The following WDPCP variants were observed in gnomAD, a reference collection of about 807,000 sequenced individuals.
The protein encoded by WDPCP is WD repeat-containing and planar cell polarity effector protein fritz homolog.
A neutral mutation model predicts 93.1 loss-of-function variants in WDPCP; 71 were observed. The observed-to-expected ratio is 0.76, with a 90% CI of 0.63 to 0.93. The LOEUF is 0.93. Ranked by LOEUF, WDPCP falls within the 40% of genes least tolerant of loss-of-function variation. The pLI is 0.00. For missense variants in WDPCP, 844 were observed against 887.4 expected (o/e 0.95, Z 0.62); for synonymous variants, 315 against 315.0 (o/e 1.00, Z 0.00).
At chr2:63,353,097 G>A (rs1689751411) in intron 12 of WDPCP, among the ~76,000 whole-genome samples, 1 of 152,114 alleles carries the variant, frequency 6.6e-6, no homozygotes, top group African/African-American at 2.4e-5. Context: ...GGGAAGCAGT[G>A]AATGAATGTG....
chr2:63,122,140 C>G, intron 17 of WDPCP, 84 bp from the exon 18 acceptor site: 2 of 1,144,122 alleles, frequency 1.7e-6, no homozygotes, highest in Admixed American at 3.7e-5. Context: ...TTTTTAAGTA[C>G]TGAAAAATAG....
intron 10 of WDPCP, among the ~76,000 whole-genome samples, chr2:63,396,335 T>C (rs1446357050): frequency 3.3e-5 from 5 of 152,320 alleles, no homozygotes; most frequent in African/African-American, 1.2e-4. Flanking sequence ...ATACTGTTTG[T>C]TTTTTAGAAA....
chr2:63,662,722 C>G (rs1170126426), intron 2 of WDPCP, among the ~76,000 whole-genome samples: 1 of 151,974 alleles, frequency 6.6e-6, no homozygotes, highest in Non-Finnish European at 1.5e-5. Context: ...GGGTAGGTGG[C>G]TCCAGGAAAG....
intron 3 of WDPCP, chr2:63,605,227 A>C (rs1165521042): frequency 3.3e-6 from 4 of 1,194,408 alleles, no homozygotes; most frequent in Non-Finnish European, 5.0e-6. Context: ...ATTAATGAAA[A>C]CTTTGCTATC....
chr2:63,469,292 A>T (rs1699549236), intron 6 of WDPCP, among the ~76,000 whole-genome samples: 2 of 152,218 alleles, frequency 1.3e-5, no homozygotes, highest in Non-Finnish European at 2.9e-5. Flanking sequence ...CAGTGTGGAG[A>T]TTCCTCAAAG....
At chr2:63,350,494 C>T (rs1689520422) in intron 12 of WDPCP, among the ~76,000 whole-genome samples, 2 of 150,326 alleles carry the variant, frequency 1.3e-5, no homozygotes, top group Non-Finnish European at 3.0e-5. Flanking sequence ...AAAAAAAATA[C>T]TGTGTGCTTC....
intron 1 of WDPCP, among the ~76,000 whole-genome samples, chr2:63,498,120 G>T (rs1701338486): frequency 6.6e-6 from 1 of 152,070 alleles, no homozygotes; most frequent in Admixed American, 6.5e-5. Context: ...ATCAGAAAAA[G>T]AATTATCCAA....
intron 12 of WDPCP, among the ~76,000 whole-genome samples, chr2:63,338,691 A>G (rs1688632572): frequency 6.8e-6 from 1 of 148,000 alleles, no homozygotes; most frequent in African/African-American, 2.5e-5. Flanking sequence ...TTGTCTATAA[A>G]AGTGTGAATT....
At chr2:63,517,202 A>C (rs1702612268) in intron 1 of WDPCP, among the ~76,000 whole-genome samples, 1 of 152,084 alleles carries the variant, frequency 6.6e-6, no homozygotes, top group Non-Finnish European at 1.5e-5. Context: ...GAGTACCTAT[A>C]ATCCATTTCC....
At chr2:63,575,368 C>CCG (rs773707704) in intron 1 of WDPCP, among the ~76,000 whole-genome samples, 3,538 of 124,946 alleles carry the variant, frequency 0.028, 188 homozygotes, top group African/African-American at 0.045. Context: ...ACAGTATATA[C>CCG]AGTATATACA....
chr2:63,656,193 C>T (rs6751759), intron 2 of WDPCP, among the ~76,000 whole-genome samples: 29,581 of 152,154 alleles, frequency 0.19, 3,077 homozygotes, highest in Middle Eastern at 0.28. Flanking sequence ...TCCCAAGTAG[C>T]ACTTTTGACC....
At chr2:63,354,490 G>A (rs895780589) in intron 12 of WDPCP, among the ~76,000 whole-genome samples, 1 of 152,144 alleles carries the variant, frequency 6.6e-6, no homozygotes, top group Non-Finnish European at 1.5e-5. Context: ...AGCACTAATA[G>A]GGAAAATGGC....
At chr2:63,529,331 G>C (rs528732306) in intron 1 of WDPCP, among the ~76,000 whole-genome samples, 1 of 152,160 alleles carries the variant, frequency 6.6e-6, no homozygotes, top group African/African-American at 2.4e-5. Flanking sequence ...TGCCCATTCA[G>C]TATGATATTG....
At chr2:63,406,500 C>T (rs781079076) in intron 9 of WDPCP, among the ~76,000 whole-genome samples, 11 of 152,138 alleles carry the variant, frequency 7.2e-5, no homozygotes, top group South Asian at 2.1e-4. Context: ...TAATACATTT[C>T]CCTCCTATCA....
intron 9 of WDPCP, among the ~76,000 whole-genome samples, chr2:63,430,587 A>G (rs1696670144): frequency 6.6e-6 from 1 of 152,204 alleles, no homozygotes; most frequent in Admixed American, 6.5e-5. Flanking sequence ...CTTCTAATTA[A>G]GATATGGACT....
upstream of WDPCP, chr2:63,588,878 C>T (rs1268564635): frequency 5.8e-6 from 5 of 857,526 alleles, no homozygotes; most frequent in South Asian, 5.9e-5. Flanking sequence ...GATTGCGCCA[C>T]AACCAGGGCA....
chr2:63,491,526 T>C (rs1700877417), intron 2 of WDPCP, among the ~76,000 whole-genome samples: 2 of 152,288 alleles, frequency 1.3e-5, no homozygotes, highest in South Asian at 4.2e-4. Flanking sequence ...CCTTCTTTCT[T>C]GGAAAGTGTA....
chr2:63,304,579 T>A (rs914375829), intron 13 of WDPCP, among the ~76,000 whole-genome samples: 24 of 152,294 alleles, frequency 1.6e-4, no homozygotes, highest in Admixed American at 1.4e-3. Context: ...GATACTACAC[T>A]TTTCCCATGG....
At chr2:63,455,610 A>T (rs1032967249) in intron 6 of WDPCP, among the ~76,000 whole-genome samples, 6 of 152,138 alleles carry the variant, frequency 3.9e-5, no homozygotes, top group Non-Finnish European at 7.4e-5. Context: ...TGATAAAGGG[A>T]TCAATCGAGC....
Sources: gnomAD v4.1 joint callset for allele counts (sites outside exome capture counted in the v4.1 genomes callset) on GRCh38, gnomAD v4.1.1 for gene constraint, MANE v1.5 for transcripts, NCBI Gene and HGNC (gene_info 2026-07-23, HGNC 2026-07-21) for gene names.